ABL2: variants seen among roughly 807,000 people sequenced by gnomAD.
The protein encoded by ABL2 is ABL proto-oncogene 2, non-receptor tyrosine kinase.
ABL2 carries 49 observed loss-of-function variants against 107.7 expected under a neutral mutation model. That is an observed-to-expected ratio of 0.45 (90% CI 0.36 to 0.58). ABL2 has a LOEUF of 0.58. Among genes scored for constraint, ABL2 ranks in the 20% least tolerant of loss-of-function variants. ABL2 has a pLI of 0.00. For missense variants in ABL2, 1,245 were observed against 1,457.0 expected (o/e 0.85, Z 2.37); for synonymous variants, 549 against 548.6 (o/e 1.00, Z -0.01).
rs1446634145 is a variant in ABL2, at chr1:179,126,075, T to C, written c.687+302A>G. 1.3e-5 allele frequency among the ~76,000 whole-genome samples: 2 copies of C among 152,232 alleles called. No homozygotes were observed. Among genetic ancestry groups the C allele is most frequent in the Admixed American group, 1.3e-4 (2 of 15,282 alleles). On this transcript the variant is annotated intron_variant, in intron 4 of 11. Coordinates refer to ENST00000502732, the MANE Select transcript of ABL2 (RefSeq NM_007314.4). This position sits in a 1 kb window ranked among gnomAD's most constrained non-coding sequence, Gnocchi z 4.4. ...ACTGATAAACTCTATACCAGTGCAC[T>C]GGGTGTATATTTGTGTACTGATTAT...
At chr1:179,160,097 G>A (rs1234273714) in intron 1 of ABL2, among the ~76,000 whole-genome samples, 2 of 152,152 alleles carry the variant, frequency 1.3e-5, no homozygotes, top group Admixed American at 6.6e-5. Flanking sequence ...CTGGGTGACA[G>A]AGTGAGACTC....
At chr1:179,182,291 A>C (rs1184189091) in intron 1 of ABL2, among the ~76,000 whole-genome samples, 1 of 152,138 alleles carries the variant, frequency 6.6e-6, no homozygotes, top group African/African-American at 2.4e-5. Context: ...GGAGAAAAAA[A>C]AGCACAAAAC....
At chr1:179,222,819 A>C (rs1055758513) in intron 1 of ABL2, among the ~76,000 whole-genome samples, 23 of 152,124 alleles carry the variant, frequency 1.5e-4, no homozygotes, top group Admixed American at 4.6e-4. Context: ...ACAACAACAA[A>C]AAAAAAACAG....
Position 179,122,300 on chromosome 1 carries a change from T to A in ABL2, c.688-433A>T, listed in dbSNP as rs909527444. On this transcript the variant is annotated intron_variant, in intron 4 of 11. Transcript: ENST00000502732. ...TTAAAAAAAAAAAAAAAAAAAAAAA[T>A]ATTCTGCAGACAGGGTCTCACTATT... 1.9e-3 allele frequency among the ~76,000 whole-genome samples: 241 copies of A among 127,732 alleles called. 1 individual carries two copies. Among genetic ancestry groups the A allele is most frequent in the African/African-American group, 6.3e-3 (213 of 33,594 alleles). The allele number at this position is 127,732 out of a possible 152,430, so 83.8% of individuals were successfully genotyped here. A position where few individuals can be genotyped will look rare whatever the true frequency, so the allele number is the denominator to read the frequency against.
At chr1:179,151,382 T>C (rs1310943719) in intron 1 of ABL2, among the ~76,000 whole-genome samples, 2 of 152,242 alleles carry the variant, frequency 1.3e-5, no homozygotes, top group African/African-American at 4.8e-5. Flanking sequence ...AGTAATCTCT[T>C]CCTTTGCCTA....
chr1:179,137,721 A>C (rs1181636531), intron 1 of ABL2: 2 of 152,228 alleles, frequency 1.3e-5, no homozygotes, highest in African/African-American at 4.8e-5. Flanking sequence ...TAAAGTTTAC[A>C]AAACAGTAAT....
At position 179,118,622 on chromosome 1, in the gene ABL2, T is replaced by A; in HGVS notation, c.1188A>T (p.Ala396=). The A allele has an allele frequency of 6.2e-7, 1 of 1,614,016 alleles. No individual in the cohort carries two copies. Among genetic ancestry groups the A allele is most frequent in the Non-Finnish European group, 8.5e-7 (1 of 1,179,998 alleles). The part of the protein sequence containing the change: ...LLYMATQISS[A]MEYLEKKNFI... ...AATTCTTCTTCTCTAAGTACTCCAT[T>A]GCAGAAGAAATCTGAGTGGCCATGT... is the stretch of plus-strand genomic sequence containing the variant. Residue 396 remains alanine, a synonymous_variant, in exon 7 of 12, where the codon GCA becomes GCT. Coordinates refer to ENST00000502732, the MANE Select transcript of ABL2 (RefSeq NM_007314.4).
Position 179,229,617 on chromosome 1 carries a change from G to T in ABL2, c.-220C>A. The stretch of plus-strand genomic sequence containing the variant: ...TTCTGCTTTTCCCTCCTCCTGTCGC[G>T]GCTCCGCGCCCCCAACGCCGCCGCC... On this transcript the variant is annotated 5_prime_UTR_variant, in exon 1 of 12. Coordinates refer to ENST00000502732, the MANE Select transcript of ABL2 (RefSeq NM_007314.4). The T allele has an allele frequency of 1.9e-6, 1 of 521,498 alleles. No homozygotes were observed. The highest frequency in any genetic ancestry group is 3.0e-5 in the South Asian group (1 of 33,300). The allele number at this position is 521,498 out of a possible 1,614,324, so 32.3% of individuals were successfully genotyped here.
At chr1:179,141,424 A>G (rs936221187) in intron 1 of ABL2, among the ~76,000 whole-genome samples, 14 of 152,354 alleles carry the variant, frequency 9.2e-5, no homozygotes, top group African/African-American at 2.9e-4. Flanking sequence ...AGACAAGTCA[A>G]CTTCCTGAAA....
chr1:179,136,321 A>G (rs1354318655), intron 1 of ABL2, among the ~76,000 whole-genome samples: 7 of 151,768 alleles, frequency 4.6e-5, no homozygotes, highest in East Asian at 2.0e-4. Context: ...GTGTCTGTGT[A>G]GAAAGAGGTA....
chr1:179,152,965 A>C (rs1190342248), intron 1 of ABL2, among the ~76,000 whole-genome samples: 1 of 152,232 alleles, frequency 6.6e-6, no homozygotes, highest in Non-Finnish European at 1.5e-5. Context: ...CCAGATATCA[A>C]AGAAAGAGTT....
intron 1 of ABL2, among the ~76,000 whole-genome samples, chr1:179,174,849 C>T (rs147748084): frequency 7.7e-5 from 11 of 142,460 alleles, no homozygotes; most frequent in African/African-American, 2.3e-4. Flanking sequence ...GAGGCCAGAT[C>T]GTGCCACTGC....
rs537137098 is a variant in ABL2, at chr1:179,106,220, G to T, written c.*1498C>A. The stretch of plus-strand genomic sequence containing the variant: ...TAACTGGAATTAGACCCGATACCAA[G>T]AACATTAATAATACCTAACTCATTA... On this transcript the variant is annotated 3_prime_UTR_variant, in exon 12 of 12. Coordinates refer to ENST00000502732, the MANE Select transcript of ABL2 (RefSeq NM_007314.4). 4.4e-6 allele frequency: 1 copy of T among 225,982 alleles called. No homozygotes were observed. The highest frequency in any genetic ancestry group is 2.2e-5 in the African/African-American group (1 of 45,034). The allele number at this position is 225,982 out of a possible 1,614,324, so 14.0% of individuals were successfully genotyped here.
chr1:179,141,959 TG>T (rs1400684481), intron 1 of ABL2, among the ~76,000 whole-genome samples: 4 of 152,210 alleles, frequency 2.6e-5, no homozygotes, highest in Non-Finnish European at 5.9e-5. Context: ...CAAAAGCCTG[TG>T]GGAAGAGCAA....
intron 1 of ABL2, among the ~76,000 whole-genome samples, chr1:179,141,885 T>C (rs1195016295): frequency 6.6e-6 from 1 of 152,118 alleles, no homozygotes; most frequent in Non-Finnish European, 1.5e-5. Flanking sequence ...TTTTGAATCA[T>C]AAAGAGTAAG....
Position 179,109,280 on chromosome 1 carries a change from G to C in ABL2, c.1987C>G (p.Pro663Ala). 6.2e-7 allele frequency: 1 copy of C among 1,614,092 alleles called. No individual in the cohort carries two copies. The highest frequency in any genetic ancestry group is 8.5e-7 in the Non-Finnish European group (1 of 1,180,014). The change falls in exon 12 of 12, where the codon CCT (proline) becomes GCT (alanine). Residue 663 changes from proline to alanine, a missense_variant. This residue lies in a region of ABL2 where 761 missense variants were observed against 766.4 expected (regional missense o/e 0.99). Coordinates refer to ENST00000502732, the MANE Select transcript of ABL2 (RefSeq NM_007314.4). ...FSSFMKKRNA[P>A]TPPKRSSSFR... ...GAGCTGCTGCGTTTGGGGGGTGTAG[G>C]AGCATTTCTCTTCTTCATGAAGGAG...
chr1:179,177,046 C>T (rs2102788802), intron 1 of ABL2, among the ~76,000 whole-genome samples: 1 of 152,148 alleles, frequency 6.6e-6, no homozygotes, highest in African/African-American at 2.4e-5. Flanking sequence ...AGGTACACTT[C>T]TTTTTTGAAA....
chr1:179,134,881 C>T (rs1335212911), intron 1 of ABL2, among the ~76,000 whole-genome samples: 7 of 152,232 alleles, frequency 4.6e-5, no homozygotes, highest in Non-Finnish European at 8.8e-5. Context: ...AGGCGCGCAC[C>T]GCCACGCCTG....
intron 1 of ABL2, among the ~76,000 whole-genome samples, chr1:179,216,696 A>T (rs933585919): frequency 1.3e-5 from 2 of 151,998 alleles, no homozygotes; most frequent in African/African-American, 4.8e-5. Flanking sequence ...TAAGCTAAAT[A>T]TATCATGTGG....
Sources: gnomAD v4.1 joint callset for allele counts (sites outside exome capture counted in the v4.1 genomes callset) on GRCh38, gnomAD v4.1.1 for gene constraint, gnomAD v4.1.1 regional missense constraint, Gnocchi (gnomAD v3.1) non-coding constraint, MANE v1.5 for transcripts, NCBI Gene and HGNC (gene_info 2026-07-23, HGNC 2026-07-21) for gene names.